The following FBN2 variants were observed in gnomAD, a reference collection of about 807,000 sequenced individuals.
FBN2 encodes the protein fibrillin 2.
FBN2 carries 105 observed loss-of-function variants against 355.6 expected under a neutral mutation model. The ratio of observed to expected loss-of-function variants is 0.30; its 90% CI spans 0.25 to 0.35. The LOEUF is 0.35. Among genes scored for constraint, FBN2 ranks in the 10% least tolerant of loss-of-function variants. The pLI is 1.00. For missense variants in FBN2, 3,280 were observed against 3,758.7 expected (o/e 0.87, Z 3.33); for synonymous variants, 1,350 against 1,301.2 (o/e 1.04, Z -0.81).
At position 128,263,517 on chromosome 5, in the gene FBN2, C is replaced by T. The variant is rs138659121; in HGVS notation, c.8100G>A (p.Ser2700=). Residue 2700 remains serine, a synonymous_variant, in exon 63 of 65, where the codon TCG becomes TCA. Transcript: ENST00000262464. ...SSACHDVNEC[S]SSKNPCNYGC... ...CGTAATTGCAGGGGTTCTTGGAGGA[C>T]GAGCACTCATTCACGTCGTGGCAGG... 22 of 1,613,968 alleles carry T rather than the reference C, an allele frequency of 1.4e-5. No homozygotes were observed. Among genetic ancestry groups the T allele is most frequent in the South Asian group, 7.7e-5 (7 of 91,082 alleles).
intron 5 of FBN2, among the ~76,000 whole-genome samples, chr5:128,498,306 A>G (rs959926530): frequency 6.6e-6 from 1 of 152,208 alleles, no homozygotes; most frequent in African/African-American, 2.4e-5. Context: ...AAAAATCTCC[A>G]ACATCTCACC....
At chr5:128,330,814 G>A in intron 32 of FBN2, 119 bp from the exon 33 acceptor site, 1 of 1,137,240 alleles carries the variant, frequency 8.8e-7, no homozygotes, top group Non-Finnish European at 1.3e-6. Context: ...TTAGTTTGCA[G>A]GATCACAGTT....
intron 5 of FBN2, among the ~76,000 whole-genome samples, chr5:128,484,346 C>G (rs1387556534): frequency 6.6e-6 from 1 of 152,098 alleles, no homozygotes; most frequent in East Asian, 1.9e-4. Context: ...AGAAAATCAC[C>G]TTAACTAAAA....
chr5:128,447,915 T>A (rs1754117361), intron 6 of FBN2, among the ~76,000 whole-genome samples: 1 of 152,168 alleles, frequency 6.6e-6, no homozygotes, highest in African/African-American at 2.4e-5. Flanking sequence ...TGGGGGCGGG[T>A]TCCCCCATAC....
chr5:128,461,298 A>G (rs1754547940), intron 6 of FBN2, among the ~76,000 whole-genome samples: 1 of 152,192 alleles, frequency 6.6e-6, no homozygotes. Flanking sequence ...CAAAACCACA[A>G]TGAGATACCA....
Position 128,291,518 on chromosome 5 carries a change from C to G in FBN2, c.6292+11G>C, listed in dbSNP as rs527877244. 19 of 1,613,742 alleles carry G rather than the reference C, an allele frequency of 1.2e-5. 1 individual carries two copies. The Admixed American group carries it at 3.2e-4, about 27-fold the overall frequency. ...CGTGAACTGTGACAGTGAAGTCATG[C>G]CAAATCTTACCAAAGCATCTCCGTC... is the stretch of plus-strand genomic sequence containing the variant. On this transcript the variant is annotated intron_variant, in intron 49 of 64. Transcript: ENST00000262464.
chr5:128,411,584 T>G (rs1352847489), intron 7 of FBN2, among the ~76,000 whole-genome samples: 2 of 152,196 alleles, frequency 1.3e-5, no homozygotes, highest in Non-Finnish European at 2.9e-5. Context: ...TTCAGATGCT[T>G]CTTCTCTCCT....
At chr5:128,525,148 C>G (rs549713788) in intron 4 of FBN2, among the ~76,000 whole-genome samples, 3 of 152,236 alleles carry the variant, frequency 2.0e-5, no homozygotes, top group African/African-American at 7.2e-5. Context: ...AATTTCAGGA[C>G]AGATTTGAGC....
intron 6 of FBN2, 125 bp from the exon 7 acceptor site, chr5:128,446,731 G>C: frequency 1.1e-6 from 1 of 935,622 alleles, no homozygotes; most frequent in South Asian, 1.5e-5. Context: ...AGAGAGTGGG[G>C]TTAGAGAAGT....
At chr5:128,448,318 T>G (rs1436909100) in intron 6 of FBN2, among the ~76,000 whole-genome samples, 3 of 152,184 alleles carry the variant, frequency 2.0e-5, no homozygotes, top group East Asian at 3.9e-4. Flanking sequence ...TTCTTTTTTT[T>G]TTTTAGACCA....
chr5:128,319,503 T>TAATTAAATA (rs932588517), intron 34 of FBN2, among the ~76,000 whole-genome samples: 3 of 93,624 alleles, frequency 3.2e-5, no homozygotes, highest in Admixed American at 1.1e-4. Flanking sequence ...TAAATTTAGT[T>TAATTAAATA]AATTTAGTTA....
intron 5 of FBN2, among the ~76,000 whole-genome samples, chr5:128,492,497 C>T (rs1052376500): frequency 6.6e-6 from 1 of 152,136 alleles, no homozygotes; most frequent in African/African-American, 2.4e-5. Context: ...CAGGGTCAAA[C>T]TTTTGTTAAA....
chr5:128,290,568 G>T (rs1197101541), intron 50 of FBN2, among the ~76,000 whole-genome samples, 164 bp downstream of exon 50: 1 of 152,208 alleles, frequency 6.6e-6, no homozygotes, highest in African/African-American at 2.4e-5. Context: ...TTCAAAAGCT[G>T]AAAGAAGTTT....
intron 7 of FBN2, among the ~76,000 whole-genome samples, chr5:128,421,142 A>G (rs936741651): frequency 2.8e-4 from 43 of 152,246 alleles, no homozygotes; most frequent in African/African-American, 1.0e-3. Context: ...CAATAAAACT[A>G]GAAAGTTAAG....
chr5:128,446,213 A>C (rs565255441), intron 7 of FBN2: 1 of 330,202 alleles, frequency 3.0e-6, no homozygotes, highest in African/African-American at 2.1e-5. Flanking sequence ...TTTATTAAGA[A>C]GAAACATAAA....
At chr5:128,429,158 C>T (rs1753555139) in intron 7 of FBN2, among the ~76,000 whole-genome samples, 1 of 152,256 alleles carries the variant, frequency 6.6e-6, no homozygotes, top group Admixed American at 6.5e-5. Context: ...TACTCCTTAC[C>T]TTCTCCCTCT....
At position 128,316,962 on chromosome 5, in the gene FBN2, C is replaced by T. The variant is rs555693495; in HGVS notation, c.4717+1187G>A. On this transcript the variant is annotated intron_variant, in intron 36 of 64. Transcript: ENST00000262464. ...GCAGCCTGGGTTGAGAATCACTTTGCGAACTGGGCGACTGCTCCTCTGATT... is the reference window on the plus strand; with the variant it reads ...GCAGCCTGGGTTGAGAATCACTTTGTGAACTGGGCGACTGCTCCTCTGATT... Among the ~76,000 whole-genome samples, 18 of 152,206 alleles carry T rather than the reference C, an allele frequency of 1.2e-4. No homozygotes were observed. The South Asian group carries it at 2.1e-3, about 18-fold the overall frequency.
At chr5:128,448,918 C>T (rs548510367) in intron 6 of FBN2, among the ~76,000 whole-genome samples, 2 of 152,080 alleles carry the variant, frequency 1.3e-5, no homozygotes, top group African/African-American at 2.4e-5. Context: ...CTATTAATTT[C>T]ATCCACATAG....
intron 7 of FBN2, among the ~76,000 whole-genome samples, chr5:128,418,674 A>G (rs942915825): frequency 2.0e-5 from 3 of 152,110 alleles, no homozygotes; most frequent in Middle Eastern, 3.4e-3. Flanking sequence ...ACATTTTTCA[A>G]TGTTTCTCTT....
Sources: allele counts gnomAD v4.1 joint callset (sites outside exome capture counted in the v4.1 genomes callset), GRCh38; gene constraint gnomAD v4.1.1; transcripts MANE v1.5; gene names NCBI Gene and HGNC (gene_info 2026-07-23, HGNC 2026-07-21).